GRIA2: variants seen among roughly 807,000 people sequenced by gnomAD.
GRIA2 encodes glutamate ionotropic receptor AMPA type subunit 2, also known as glutamate receptor 2.
In GRIA2, 14 loss-of-function variants were observed where a neutral mutation model predicts 97.3. The ratio of observed to expected loss-of-function variants is 0.14; its 90% CI spans 0.10 to 0.23. GRIA2 has a LOEUF of 0.23. Ranked by LOEUF, GRIA2 falls within the 10% of genes least tolerant of loss-of-function variation. GRIA2 has a pLI of 1.00. For missense variants in GRIA2, 558 were observed against 1,069.8 expected (o/e 0.52, Z 6.67); for synonymous variants, 412 against 387.8 (o/e 1.06, Z -0.73).
chr4:157,232,199 T>G (rs1730050826), intron 2 of GRIA2, among the ~76,000 whole-genome samples: 1 of 152,184 alleles, frequency 6.6e-6, no homozygotes, highest in East Asian at 1.9e-4. Flanking sequence ...GAATTCCATA[T>G]ATTTAAGGGG....
rs1051286638 is a variant in GRIA2 at position 157,335,255 on chromosome 4, G to A, written c.1267-416G>A. The A allele has an allele frequency of 1.5e-5, 3 of 202,144 alleles. No homozygotes were observed. The East Asian group carries it at 3.5e-4, about 24-fold the overall frequency. The allele number at this position is 202,144 out of a possible 1,614,324, so 12.5% of individuals were successfully genotyped here. On this transcript the variant is annotated intron_variant, in intron 9 of 15. Coordinates refer to ENST00000264426, the MANE Select transcript of GRIA2 (RefSeq NM_001083619.3). ...TGAACCTTATCTTTGGGACAGCAGT[G>A]ACACAGGGTTTTGGGTGAATGCTGG...
intron 4 of GRIA2, among the ~76,000 whole-genome samples, chr4:157,316,126 A>G (rs752442710): frequency 8.5e-5 from 13 of 152,170 alleles, no homozygotes; most frequent in Non-Finnish European, 1.5e-4. Flanking sequence ...CAGCAGGAAG[A>G]CATGGATGAT....
intron 12 of GRIA2, among the ~76,000 whole-genome samples, chr4:157,346,565 A>G (rs896612848): frequency 2.6e-5 from 4 of 152,118 alleles, no homozygotes; most frequent in Non-Finnish European, 5.9e-5. Context: ...TTGTGTCTCT[A>G]TATATGCAGA....
At chr4:157,331,518 T>A (rs1735046295) in intron 6 of GRIA2, among the ~76,000 whole-genome samples, 1 of 152,176 alleles carries the variant, frequency 6.6e-6, no homozygotes, top group Admixed American at 6.6e-5. Flanking sequence ...AATAAACTTA[T>A]CACTGTATAA....
intron 12 of GRIA2, among the ~76,000 whole-genome samples, chr4:157,355,840 TATATTTA>T (rs1736267847): frequency 1.6e-5 from 1 of 62,266 alleles, no homozygotes; most frequent in Non-Finnish European, 3.3e-5. Flanking sequence ...TATATTTTTA[TATATTTA>T]TTTATATATA....
At chr4:157,226,059 A>G (rs1284988451) in intron 2 of GRIA2, among the ~76,000 whole-genome samples, 3 of 151,892 alleles carry the variant, frequency 2.0e-5, no homozygotes, top group African/African-American at 7.2e-5. Flanking sequence ...TATTGAATTT[A>G]CTCCCCAGAA....
intron 9 of GRIA2, chr4:157,335,259 C>T (rs1482811301): frequency 5.0e-6 from 1 of 200,698 alleles, no homozygotes; most frequent in Non-Finnish European, 1.0e-5. Flanking sequence ...AGCAGTGACA[C>T]AGGGTTTTGG....
rs769357099 is a variant in GRIA2 at position 157,312,890 on chromosome 4, G to A, written c.666+15G>A. On this transcript the variant is annotated intron_variant, in intron 4 of 15. Coordinates refer to ENST00000264426, the MANE Select transcript of GRIA2 (RefSeq NM_001083619.3). Reference sequence around the variant, plus strand: ...TTGTAGACCAGGTTTGCTACTTTCTGTTTTCTAATGATGCCAGATATAGAA... The same window carrying A: ...TTGTAGACCAGGTTTGCTACTTTCTATTTTCTAATGATGCCAGATATAGAA... 2.8e-6 allele frequency: 4 copies of A among 1,448,172 alleles called. No individual in the cohort carries two copies. In the South Asian group the frequency reaches 3.8e-5, roughly 14 times the overall value. The allele number at this position is 1,448,172 out of a possible 1,614,324, so 89.7% of individuals were successfully genotyped here. A position where few individuals can be genotyped will look rare whatever the true frequency, so the allele number is the denominator to read the frequency against.
At chr4:157,265,856 A>G (rs1485342698) in intron 2 of GRIA2, among the ~76,000 whole-genome samples, 1 of 152,278 alleles carries the variant, frequency 6.6e-6, no homozygotes, top group Non-Finnish European at 1.5e-5. Context: ...ATTTAAGCAT[A>G]GTTCAGAAAT....
intron 2 of GRIA2, among the ~76,000 whole-genome samples, chr4:157,280,108 G>A (rs1445433672): frequency 6.6e-6 from 1 of 152,150 alleles, no homozygotes; most frequent in East Asian, 1.9e-4. Flanking sequence ...CTGGGTTACA[G>A]AGTGAGACTT....
At chr4:157,264,699 G>C (rs1251436165) in intron 2 of GRIA2, among the ~76,000 whole-genome samples, 1 of 152,072 alleles carries the variant, frequency 6.6e-6, no homozygotes, top group Non-Finnish European at 1.5e-5. Context: ...TAAGAAGATG[G>C]AAAAGTAAAA....
chr4:157,292,164 T>G (rs1733134629), intron 2 of GRIA2, among the ~76,000 whole-genome samples: 1 of 151,958 alleles, frequency 6.6e-6, no homozygotes, highest in Non-Finnish European at 1.5e-5. Context: ...ACAAAAATTT[T>G]GCAAAAGGAC....
Position 157,312,823 on chromosome 4 carries a change from G to A in GRIA2, c.614G>A (p.Arg205Gln), listed in dbSNP as rs770678255. The change falls in exon 4 of 16, where the codon CGG (arginine) becomes CAG (glutamine). Residue 205 changes from arginine (R) to glutamine (Q), a missense_variant. Coordinates refer to ENST00000264426, the MANE Select transcript of GRIA2 (RefSeq NM_001083619.3). ...LFQDLELKKERRVILDCERDK... is the reference protein window; with the variant it reads ...LFQDLELKKEQRVILDCERDK... ...CAAGATCTGGAGTTAAAAAAGGAACGGCGTGTAATTCTGGACTGTGAAAGG... is the reference window on the plus strand; with the variant it reads ...CAAGATCTGGAGTTAAAAAAGGAACAGCGTGTAATTCTGGACTGTGAAAGG... The A allele has an allele frequency of 1.4e-5, 23 of 1,611,764 alleles. No individual in the cohort carries two copies. The highest frequency in any genetic ancestry group is 3.3e-4 in the Middle Eastern group (2 of 6,072).
At chr4:157,333,681 T>A (rs547454644) in intron 8 of GRIA2, among the ~76,000 whole-genome samples, 168 of 152,170 alleles carry the variant, frequency 1.1e-3, no homozygotes, top group African/African-American at 3.8e-3. Flanking sequence ...AATACACATG[T>A]AACTGTTCAA....
At chr4:157,331,142 T>C (rs1735030144) in intron 6 of GRIA2, among the ~76,000 whole-genome samples, 1 of 151,996 alleles carries the variant, frequency 6.6e-6, no homozygotes, top group Non-Finnish European at 1.5e-5. Context: ...TTTAAAATGG[T>C]AATAGGCTTA....
At chr4:157,221,283 G>T in intron 1 of GRIA2, 153 bp downstream of exon 1, 1 of 616,598 alleles carries the variant, frequency 1.6e-6, no homozygotes, top group African/African-American at 1.8e-5. Context: ...GTTTTTCTTA[G>T]GATGAAGCAA....
intron 2 of GRIA2, among the ~76,000 whole-genome samples, chr4:157,263,348 T>G (rs1731631145): frequency 6.6e-6 from 1 of 152,106 alleles, no homozygotes; most frequent in South Asian, 2.1e-4. Flanking sequence ...AATACTGTTT[T>G]AAATAAAAAT....
rs1731424549 is a variant in GRIA2 at position 157,259,354 on chromosome 4, G to A, written c.229+37547G>A. Among the ~76,000 whole-genome samples, 5 of 152,100 alleles carry A rather than the reference G, an allele frequency of 3.3e-5. No individual in the cohort carries two copies. In the South Asian group the frequency reaches 1.0e-3, roughly 31 times the overall value. On this transcript the variant is annotated intron_variant, in intron 2 of 15. Transcript: ENST00000264426. ...TGGGATTGGGGAGACGTCTGCTATT[G>A]TAGTGAAGCTCCCTTGAACAAATCA...
At chr4:157,328,119 G>T (rs1734887227) in intron 6 of GRIA2, among the ~76,000 whole-genome samples, 1 of 151,692 alleles carries the variant, frequency 6.6e-6, no homozygotes, top group African/African-American at 2.4e-5. Context: ...TGTTTATTTT[G>T]TAAACATGAA....
Sources: allele counts gnomAD v4.1 joint callset (sites outside exome capture counted in the v4.1 genomes callset), GRCh38; gene constraint gnomAD v4.1.1; transcripts MANE v1.5; gene names NCBI Gene and HGNC (gene_info 2026-07-23, HGNC 2026-07-21).